Variants in DAB1 observed in about 807,000 individuals in gnomAD.
The protein encoded by DAB1 is DAB adaptor protein 1, also known as disabled homolog 1.
DAB1 carries 15 observed loss-of-function variants against 64.6 expected under a neutral mutation model. The ratio of observed to expected loss-of-function variants is 0.23; its 90% CI spans 0.16 to 0.36. The LOEUF (loss-of-function observed/expected upper bound fraction) is 0.36. DAB1 is among the 10% of genes least tolerant of loss of function. DAB1 has a pLI of 1.00. For missense variants in DAB1, 596 were observed against 706.7 expected, an observed-to-expected ratio of 0.84 and a Z score of 1.78; for synonymous variants, 235 against 251.9, an observed-to-expected ratio of 0.93 and a Z score of 0.64.
rs182822245 is a variant in DAB1, at chr1:57,250,990, G to A, written c.67+39974C>T. Among the ~76,000 whole-genome samples the A allele has an allele frequency of 1.1e-3, 173 of 152,298 alleles. 1 individual carries two copies. In the Middle Eastern group the frequency reaches 0.017, roughly 15 times the overall value. On this transcript the variant is annotated intron_variant, in intron 2 of 14. Transcript: ENST00000371236. ...TCAGAGTTCATAGATTATATGTGTG[G>A]TGGTATGAGGGACATGGAGGTGTAT...
chr1:58,139,480 C>T (rs191556728), intron 5 of DAB1, among the ~76,000 whole-genome samples: 38 of 152,142 alleles, frequency 2.5e-4, no homozygotes, highest in South Asian at 4.2e-4. Flanking sequence ...CAAGCAAAGG[C>T]GGAAAAGGCC....
chr1:57,836,935 A>C (rs911187190), intron 1 of DAB1, among the ~76,000 whole-genome samples: 2 of 152,174 alleles, frequency 1.3e-5, no homozygotes, highest in Admixed American at 1.3e-4. Flanking sequence ...ATCTCAGAGA[A>C]AGCATCTCCA....
At chr1:58,396,429 A>G (rs1644522919) in intron 3 of DAB1, among the ~76,000 whole-genome samples, 1 of 151,954 alleles carries the variant, frequency 6.6e-6, no homozygotes, top group African/African-American at 2.4e-5. Flanking sequence ...CTGCCCAGTG[A>G]TCTCTGCCCT....
chr1:58,061,016 G>C (rs1355182292), intron 5 of DAB1, among the ~76,000 whole-genome samples: 2 of 152,202 alleles, frequency 1.3e-5, no homozygotes, highest in Admixed American at 1.3e-4. Context: ...TGGGTCCTCA[G>C]GGCCTCCATC....
intron 5 of DAB1, among the ~76,000 whole-genome samples, chr1:57,921,361 T>C (rs538364328): frequency 6.6e-6 from 1 of 152,040 alleles, no homozygotes; most frequent in East Asian, 1.9e-4. Context: ...CTGTAAGCAT[T>C]TTTATATTAT....
intron 1 of DAB1, among the ~76,000 whole-genome samples, chr1:57,343,515 G>T (rs1403123806): frequency 6.6e-6 from 1 of 152,236 alleles, no homozygotes; most frequent in African/African-American, 2.4e-5. Context: ...GCGCTCATTG[G>T]GGAGGCTCCG....
chr1:58,221,634 T>A (rs959777078), intron 4 of DAB1, among the ~76,000 whole-genome samples: 4 of 152,236 alleles, frequency 2.6e-5, no homozygotes, highest in African/African-American at 9.6e-5. Context: ...TCTCACTTTA[T>A]CTGTGAAATG....
At chr1:57,869,817 T>A (rs1481693790) in intron 1 of DAB1, among the ~76,000 whole-genome samples, 1 of 152,166 alleles carries the variant, frequency 6.6e-6, no homozygotes, top group Admixed American at 6.5e-5. Flanking sequence ...AGAGAAATGC[T>A]CTTGATTATA....
intron 9 of DAB1, among the ~76,000 whole-genome samples, chr1:57,040,234 A>G (rs145119336): frequency 1.3e-5 from 2 of 152,206 alleles, no homozygotes; most frequent in African/African-American, 4.8e-5. Context: ...AGCTGGTGTC[A>G]GCAGCAGTAG....
intron 5 of DAB1, among the ~76,000 whole-genome samples, chr1:57,907,728 T>C (rs1016684170): frequency 1.1e-4 from 17 of 152,108 alleles, no homozygotes; most frequent in East Asian, 1.9e-4. Flanking sequence ...CTCCCCACCA[T>C]CTTTTGGTAT....
chr1:57,832,978 A>C (rs1218338492), intron 1 of DAB1, among the ~76,000 whole-genome samples: 1 of 152,006 alleles, frequency 6.6e-6, no homozygotes, highest in Non-Finnish European at 1.5e-5. Context: ...ATTTGAACCT[A>C]CAGTGATGCC....
chr1:57,294,111 T>C (rs1673001386), intron 1 of DAB1, among the ~76,000 whole-genome samples: 1 of 152,168 alleles, frequency 6.6e-6, no homozygotes, highest in African/African-American at 2.4e-5. Flanking sequence ...ATTTAGGAAA[T>C]TCGCTTCTTT....
intron 6 of DAB1, among the ~76,000 whole-genome samples, chr1:57,690,687 T>C (rs764438509): frequency 2.0e-5 from 3 of 152,210 alleles, no homozygotes; most frequent in Non-Finnish European, 4.4e-5. Flanking sequence ...GATCATATGG[T>C]AGCCCGATTT....
At chr1:57,463,870 C>A (rs1358253435) in intron 7 of DAB1, among the ~76,000 whole-genome samples, 1 of 152,084 alleles carries the variant, frequency 6.6e-6, no homozygotes, top group African/African-American at 2.4e-5. Flanking sequence ...CACTTGTCTA[C>A]AAAGAGCTGA....
At chr1:58,087,121 C>A (rs1650364340) in intron 5 of DAB1, among the ~76,000 whole-genome samples, 1 of 152,096 alleles carries the variant, frequency 6.6e-6, no homozygotes, top group Non-Finnish European at 1.5e-5. Flanking sequence ...AAACAATTGC[C>A]TGGAGACAAT....
chr1:57,779,552 A>G (rs934146001), intron 6 of DAB1, among the ~76,000 whole-genome samples: 2 of 152,150 alleles, frequency 1.3e-5, no homozygotes, highest in African/African-American at 4.8e-5. Context: ...CCTCTATGAA[A>G]ACTCCTAACA....
chr1:57,636,501 C>T (rs973086651), intron 7 of DAB1, among the ~76,000 whole-genome samples: 1 of 152,158 alleles, frequency 6.6e-6, no homozygotes, highest in Non-Finnish European at 1.5e-5. Context: ...GAAAGCTAAA[C>T]AATCAGTCAG....
intron 3 of DAB1, among the ~76,000 whole-genome samples, chr1:58,431,208 A>C (rs956137713): frequency 3.3e-5 from 5 of 152,130 alleles, no homozygotes; most frequent in Non-Finnish European, 5.9e-5. Flanking sequence ...CATGCTCCTA[A>C]AAAAAGAAAT....
chr1:57,849,270 T>C lies in DAB1; in HGVS notation n.88-22815A>G, dbSNP rs371708301. Among the ~76,000 whole-genome samples the C allele has an allele frequency of 3.3e-5, 5 of 152,258 alleles. No homozygotes were observed. The South Asian group carries it at 6.2e-4, about 19-fold the overall frequency. ...GGTCCTCACTGCTACACCAAATGCA[T>C]GAAGAAGGTGCTGCCCTGTCTGCTC... is the stretch of plus-strand genomic sequence containing the variant. On this transcript the variant is annotated intron_variant and non_coding_transcript_variant, in intron 1 of 1. Coordinates refer to the DAB1 transcript ENST00000477280.
Sources: allele counts gnomAD v4.1 joint callset (sites outside exome capture counted in the v4.1 genomes callset), GRCh38; gene constraint gnomAD v4.1.1; transcripts MANE v1.5; gene names NCBI Gene and HGNC (gene_info 2026-07-23, HGNC 2026-07-21).